NEGR1: variants seen among roughly 807,000 people sequenced by gnomAD.
The protein encoded by NEGR1 is IgLON family member 4.
A neutral mutation model predicts 40.9 loss-of-function variants in NEGR1; 10 were observed. That is an observed-to-expected ratio of 0.24 (90% CI 0.15 to 0.42). NEGR1 has a LOEUF of 0.42. NEGR1 is among the 10% of genes least tolerant of loss of function. NEGR1 has a pLI of 1.00. For missense variants in NEGR1, 352 were observed against 438.9 expected, an observed-to-expected ratio of 0.80 and a Z score of 1.77; for synonymous variants, 185 against 166.8, an observed-to-expected ratio of 1.11 and a Z score of -0.84.
At chr1:71,809,473 A>G (rs1025937929) in intron 2 of NEGR1, among the ~76,000 whole-genome samples, 1 of 152,168 alleles carries the variant, frequency 6.6e-6, no homozygotes, top group Non-Finnish European at 1.5e-5. Context: ...TAGGCTTTGT[A>G]TTAGGTATTG....
At chr1:71,471,951 T>C (rs1384477451) in intron 6 of NEGR1, among the ~76,000 whole-genome samples, 1 of 152,096 alleles carries the variant, frequency 6.6e-6, no homozygotes, top group Non-Finnish European at 1.5e-5. Flanking sequence ...TATTCTCTAT[T>C]CTTCCCTTTT....
intron 1 of NEGR1, among the ~76,000 whole-genome samples, chr1:72,010,829 G>A (rs187256817): frequency 5.5e-4 from 83 of 152,188 alleles, no homozygotes; most frequent in African/African-American, 1.9e-3. Context: ...AGCACAAGAC[G>A]TCATCATTCC....
intron 4 of NEGR1, among the ~76,000 whole-genome samples, chr1:71,690,609 TAGAGGGAGACAGAG>T (rs1653235400): frequency 1.3e-5 from 1 of 78,552 alleles, no homozygotes; most frequent in African/African-American, 4.4e-5. Flanking sequence ...CATATATATA[TAGAGGGAGACAGAG>T]AGAGAGAGAG....
intron 2 of NEGR1, among the ~76,000 whole-genome samples, chr1:71,836,604 T>C (rs1228217680): frequency 6.6e-6 from 1 of 151,600 alleles, no homozygotes; most frequent in African/African-American, 2.4e-5. Flanking sequence ...TAAGAAAGAA[T>C]TGGGACTCCG....
intron 6 of NEGR1, among the ~76,000 whole-genome samples, chr1:71,433,140 T>G (rs906478472): frequency 2.0e-5 from 3 of 152,220 alleles, no homozygotes; most frequent in African/African-American, 7.2e-5. Context: ...CATGTGAGGA[T>G]ACGGCAAGAA....
chr1:72,077,144 T>C (rs1647778063), intron 1 of NEGR1, among the ~76,000 whole-genome samples: 2 of 151,966 alleles, frequency 1.3e-5, no homozygotes, highest in African/African-American at 4.8e-5. Flanking sequence ...TCCATCCGCC[T>C]CGGCCTCCCA....
chr1:72,021,697 G>A (rs545954534), intron 1 of NEGR1, among the ~76,000 whole-genome samples: 3 of 152,058 alleles, frequency 2.0e-5, no homozygotes, highest in Non-Finnish European at 4.4e-5. Flanking sequence ...AAAGTGGAAG[G>A]AGAACATTGA....
At chr1:72,220,257 T>C (rs988872400) in intron 1 of NEGR1, among the ~76,000 whole-genome samples, 1 of 151,638 alleles carries the variant, frequency 6.6e-6, no homozygotes, top group Non-Finnish European at 1.5e-5. Flanking sequence ...AATAAAATTC[T>C]CTCTCTCTCT....
chr1:72,240,319 C>T (rs931061741), intron 1 of NEGR1, among the ~76,000 whole-genome samples: 3 of 151,664 alleles, frequency 2.0e-5, no homozygotes, highest in Non-Finnish European at 4.4e-5. Context: ...TTAAAGAGGA[C>T]CAAAGATTAA....
At chr1:72,058,091 C>A (rs1245334272) in intron 1 of NEGR1, among the ~76,000 whole-genome samples, 1 of 151,398 alleles carries the variant, frequency 6.6e-6, no homozygotes, top group Non-Finnish European at 1.5e-5. Context: ...CCTAACAGGA[C>A]CCATATTCAA....
chr1:71,568,702 G>T (rs1648702179), intron 6 of NEGR1, among the ~76,000 whole-genome samples: 1 of 151,932 alleles, frequency 6.6e-6, no homozygotes, highest in Non-Finnish European at 1.5e-5. Context: ...TACATATGGT[G>T]GGTGTATATA....
intron 2 of NEGR1, among the ~76,000 whole-genome samples, chr1:71,867,985 G>T (rs1324805732): frequency 1.3e-5 from 2 of 152,228 alleles, no homozygotes; most frequent in South Asian, 2.1e-4. Flanking sequence ...GGAAAAAGCT[G>T]TATTAATTTT....
intron 4 of NEGR1, among the ~76,000 whole-genome samples, chr1:71,687,510 T>C (rs1653078394): frequency 6.6e-6 from 1 of 152,230 alleles, no homozygotes; most frequent in Non-Finnish European, 1.5e-5. Context: ...TTATATTCAC[T>C]ATTAAACAAA....
chr1:71,934,968 T>C (rs1645890054), intron 2 of NEGR1, 111 bp downstream of exon 2: 1 of 675,206 alleles, frequency 1.5e-6, no homozygotes, highest in Non-Finnish European at 2.6e-6. Flanking sequence ...AATATTTCAA[T>C]GACAACAAAT....
intron 4 of NEGR1, among the ~76,000 whole-genome samples, chr1:71,629,609 C>T (rs60554790): frequency 0.037 from 5,692 of 151,800 alleles, 139 homozygotes; most frequent in African/African-American, 0.073. Context: ...GAGTTCTGGC[C>T]GGGGCAATCA....
At chr1:71,992,699 A>T (rs993746532) in intron 1 of NEGR1, among the ~76,000 whole-genome samples, 2 of 130,140 alleles carry the variant, frequency 1.5e-5, no homozygotes, top group African/African-American at 5.7e-5. Flanking sequence ...AGCCACACAC[A>T]GCTAGTACCT....
At chr1:71,751,677 G>T (rs1655575055) in intron 3 of NEGR1, among the ~76,000 whole-genome samples, 1 of 151,880 alleles carries the variant, frequency 6.6e-6, no homozygotes, top group South Asian at 2.1e-4. Context: ...GAAGCCCACA[G>T]GCCTCCCAGG....
chr1:71,425,511 A>G (rs1345964292), intron 6 of NEGR1, among the ~76,000 whole-genome samples: 6 of 152,142 alleles, frequency 3.9e-5, no homozygotes, highest in Non-Finnish European at 8.8e-5. Flanking sequence ...GAAGGAAATA[A>G]TCATCATCCA....
chr1:72,000,050 C>T lies in NEGR1; in HGVS notation c.177-64739G>A, dbSNP rs544999024. Reference sequence around the variant, plus strand: ...TTGTTCGGTTCCCAGAATAACACTACGAAAGGTATGCTAAAACCAAGGCTC... The same window carrying T: ...TTGTTCGGTTCCCAGAATAACACTATGAAAGGTATGCTAAAACCAAGGCTC... On this transcript the variant is annotated intron_variant, in intron 1 of 6. Coordinates refer to ENST00000357731, the MANE Select transcript of NEGR1 (RefSeq NM_173808.3). Among the ~76,000 whole-genome samples the T allele has an allele frequency of 2.6e-3, 401 of 151,936 alleles. 1 individual carries two copies. Among genetic ancestry groups the T allele is most frequent in the African/African-American group, 9.2e-3 (382 of 41,460 alleles).
Sources: allele counts gnomAD v4.1 joint callset (sites outside exome capture counted in the v4.1 genomes callset), GRCh38; gene constraint gnomAD v4.1.1; transcripts MANE v1.5; gene names NCBI Gene and HGNC (gene_info 2026-07-23, HGNC 2026-07-21).